Variants in NAV2 observed in about 807,000 individuals in gnomAD.
NAV2 encodes the protein helicase, APC down-regulated 1.
NAV2 carries 54 observed loss-of-function variants against 223.2 expected under a neutral mutation model. The observed-to-expected ratio is 0.24, with a 90% CI of 0.19 to 0.30. The LOEUF (loss-of-function observed/expected upper bound fraction) is 0.30, where lower values mean the gene tolerates loss of function less well. NAV2 is among the 10% of genes least tolerant of loss of function. The pLI is 1.00. For missense variants in NAV2, 2,806 were observed against 3,147.5 expected (o/e 0.89, Z 2.60); for synonymous variants, 1,279 against 1,239.3 (o/e 1.03, Z -0.67).
chr11:19,859,946 G>A (rs1172566902), intron 3 of NAV2, among the ~76,000 whole-genome samples: 9 of 139,236 alleles, frequency 6.5e-5, no homozygotes, highest in African/African-American at 2.4e-4. Context: ...GGGGCGGCCG[G>A]GCAGAGGTGC....
At chr11:19,871,639 A>G (rs1250977536) in intron 4 of NAV2, among the ~76,000 whole-genome samples, 2 of 152,140 alleles carry the variant, frequency 1.3e-5, no homozygotes, top group Non-Finnish European at 2.9e-5. Flanking sequence ...TACCTACCAT[A>G]GGACTAGCAG....
chr11:19,989,429 G>A (rs1489500153), intron 11 of NAV2, among the ~76,000 whole-genome samples: 2 of 152,112 alleles, frequency 1.3e-5, no homozygotes, highest in Non-Finnish European at 2.9e-5. Context: ...CTCCAGAAAT[G>A]AATGTAGCCC....
At chr11:19,521,022 G>A (rs2043635589) in intron 1 of NAV2, among the ~76,000 whole-genome samples, 2 of 152,188 alleles carry the variant, frequency 1.3e-5, no homozygotes, top group South Asian at 2.1e-4. Context: ...AGGCCCATGC[G>A]CCTGCCTATC....
chr11:19,449,407 A>G (rs1443654959), intron 1 of NAV2, among the ~76,000 whole-genome samples: 1 of 152,038 alleles, frequency 6.6e-6, no homozygotes, highest in Non-Finnish European at 1.5e-5. Context: ...AAAAAAAAAA[A>G]AAAATGTGGG....
chr11:19,745,354 G>C (rs1362630566), intron 1 of NAV2, among the ~76,000 whole-genome samples: 2 of 152,166 alleles, frequency 1.3e-5, no homozygotes, highest in African/African-American at 2.4e-5. Flanking sequence ...TCATCCTTCT[G>C]GTTTAAAAAA....
chr11:19,937,896 C>A (rs958496154), intron 7 of NAV2, among the ~76,000 whole-genome samples: 6 of 152,054 alleles, frequency 3.9e-5, no homozygotes, highest in African/African-American at 1.2e-4. Context: ...TTTTAGCCAA[C>A]AAGAGAATAA....
At chr11:19,963,329 G>A (rs2048495882) in intron 10 of NAV2, among the ~76,000 whole-genome samples, 1 of 152,214 alleles carries the variant, frequency 6.6e-6, no homozygotes, top group African/African-American at 2.4e-5. Flanking sequence ...CACACAGACA[G>A]TAACTGGTGG....
intron 1 of NAV2, among the ~76,000 whole-genome samples, chr11:19,402,454 C>T (rs1258909394): frequency 6.6e-6 from 1 of 152,202 alleles, no homozygotes; most frequent in East Asian, 1.9e-4. Context: ...GCAAGGTCCC[C>T]TGCTATATGC....
At chr11:19,984,769 C>T (rs545523238) in intron 11 of NAV2, among the ~76,000 whole-genome samples, 2 of 152,260 alleles carry the variant, frequency 1.3e-5, no homozygotes, top group South Asian at 2.1e-4. Context: ...GTTGATCAGG[C>T]GTCACTGCCA....
intron 1 of NAV2, among the ~76,000 whole-genome samples, chr11:19,644,878 G>T (rs1176986396): frequency 6.6e-6 from 1 of 152,216 alleles, no homozygotes; most frequent in Non-Finnish European, 1.5e-5. Flanking sequence ...GTTGGGCTTT[G>T]ACTGAATGTT....
At chr11:19,742,391 T>A (rs555844475) in intron 1 of NAV2, among the ~76,000 whole-genome samples, 274 of 152,292 alleles carry the variant, frequency 1.8e-3, no homozygotes, top group Admixed American at 4.6e-3. Context: ...TAACACAGAG[T>A]CTGGCACATA....
intron 2 of NAV2, among the ~76,000 whole-genome samples, chr11:19,841,941 G>A (rs556290569): frequency 1.1e-3 from 170 of 152,262 alleles, no homozygotes; most frequent in Middle Eastern, 3.4e-3. Context: ...AGTATTAACT[G>A]TGTTTTATAG....
At chr11:19,857,581 A>C (rs527571352) in intron 3 of NAV2, among the ~76,000 whole-genome samples, 3 of 152,190 alleles carry the variant, frequency 2.0e-5, no homozygotes, top group Non-Finnish European at 2.9e-5. Context: ...AGGTAATTGC[A>C]CTGGGTGAAA....
In NAV2 at chr11:19,894,194, A is replaced by G. The variant is rs370539928; in HGVS notation, c.931+1600A>G. 5.9e-5 allele frequency among the ~76,000 whole-genome samples: 9 copies of G among 152,208 alleles called. No homozygotes were observed. The South Asian group carries it at 8.3e-4, about 14-fold the overall frequency. ...GAAAGTTTAAGTACTTGCTGAAGTC[A>G]TATCAGGGATAGTGAGAGATGGAGT... On this transcript the variant is annotated intron_variant, in intron 6 of 37. Transcript: ENST00000349880.
chr11:19,588,562 A>G (rs531262669), intron 1 of NAV2, among the ~76,000 whole-genome samples: 6 of 152,332 alleles, frequency 3.9e-5, no homozygotes, highest in African/African-American at 1.4e-4. Flanking sequence ...TATCAAGTCT[A>G]AGATCCTCAT....
intron 1 of NAV2, among the ~76,000 whole-genome samples, chr11:19,679,474 GTTTTT>G (rs1360645228): frequency 2.0e-5 from 3 of 150,392 alleles, no homozygotes; most frequent in Non-Finnish European, 4.4e-5. Flanking sequence ...TTGCCCCTCT[GTTTTT>G]TCTTCATTTC....
intron 1 of NAV2, among the ~76,000 whole-genome samples, chr11:19,827,950 G>C (rs368603501): frequency 1.4e-5 from 2 of 145,106 alleles, no homozygotes; most frequent in African/African-American, 5.0e-5. Flanking sequence ...GCGGAATCCC[G>C]TCTCTACCAA....
rs2063347775 is a variant in NAV2, at chr11:20,119,092, T to G, written c.*834T>G. 1 of 151,032 alleles carries G rather than the reference T, an allele frequency of 6.6e-6. No individual in the cohort carries two copies. The highest frequency in any genetic ancestry group is 1.5e-5 in the Non-Finnish European group (1 of 67,852). The allele number at this position is 151,032 out of a possible 1,614,324, so 9.4% of individuals were successfully genotyped here. On this transcript the variant is annotated 3_prime_UTR_variant, in exon 38 of 38. Transcript: ENST00000349880. Reference sequence around the variant, plus strand: ...TTTTTTTTTTTTTTTCTGCAAACACTGTGTATAGTGAGACTTGTTCTACTT... The same window carrying G: ...TTTTTTTTTTTTTTTCTGCAAACACGGTGTATAGTGAGACTTGTTCTACTT...
chr11:20,077,732 T>C (rs1592020306), intron 23 of NAV2, 97 bp downstream of exon 23: 9 of 1,027,696 alleles, frequency 8.8e-6, no homozygotes, highest in East Asian at 4.9e-5. Context: ...TGGATGTTAA[T>C]GTATTTCTTG....
Sources: allele counts gnomAD v4.1 joint callset (sites outside exome capture counted in the v4.1 genomes callset), GRCh38; gene constraint gnomAD v4.1.1; transcripts MANE v1.5; gene names NCBI Gene and HGNC (gene_info 2026-07-23, HGNC 2026-07-21).